Variants in DOCK3 observed in about 807,000 individuals in gnomAD.
DOCK3 encodes dedicator of cytokinesis protein 3.
Under a neutral mutation model 265.6 loss-of-function variants are expected in DOCK3, and 60 were observed. The observed-to-expected ratio is 0.23, with a 90% CI of 0.18 to 0.28. The LOEUF (loss-of-function observed/expected upper bound fraction) is 0.28. DOCK3 is among the 10% of genes least tolerant of loss of function. The pLI is 1.00. For missense variants in DOCK3, 1,981 were observed against 2,594.3 expected (o/e 0.76, Z 5.14); for synonymous variants, 881 against 938.0 (o/e 0.94, Z 1.11).
chr3:50,857,534 C>T (rs1429481317), intron 3 of DOCK3, among the ~76,000 whole-genome samples: 1 of 152,078 alleles, frequency 6.6e-6, no homozygotes, highest in Non-Finnish European at 1.5e-5. Context: ...GCAGTCTACC[C>T]ATCTGACAAA....
At chr3:51,323,073 G>A (rs1403097516) in intron 32 of DOCK3, among the ~76,000 whole-genome samples, 1 of 151,942 alleles carries the variant, frequency 6.6e-6, no homozygotes, top group African/African-American at 2.4e-5. Flanking sequence ...TAATGGTAAA[G>A]AGATCAATGC....
rs145456259 is a variant in DOCK3 at position 50,787,294 on chromosome 3, G to A, written c.121+8536G>A. The A allele has an allele frequency of 1.2e-4, 53 of 440,518 alleles. No homozygotes were observed. The East Asian group carries it at 2.1e-3, about 18-fold the overall frequency. 27.3% of individuals were successfully genotyped at this position (440,518 alleles called of 1,614,324 possible). On this transcript the variant is annotated intron_variant, in intron 2 of 52. Coordinates refer to ENST00000266037, the MANE Select transcript of DOCK3 (RefSeq NM_004947.5). ...CACACGCCTGTAATCCCAGCACTTT[G>A]GGAGGCTGAGGCGGGCTGATCACCT...
At chr3:51,350,533 G>A in intron 40 of DOCK3, 141 bp downstream of exon 40, 1 of 919,128 alleles carries the variant, frequency 1.1e-6, no homozygotes, top group Non-Finnish European at 1.6e-6. Context: ...CAGGCATTTG[G>A]TTTTATTTGA....
chr3:50,689,785 T>C (rs977007628), intron 1 of DOCK3, among the ~76,000 whole-genome samples: 7 of 152,158 alleles, frequency 4.6e-5, no homozygotes, highest in African/African-American at 1.4e-4. Context: ...TAAATACATA[T>C]CGTTGAAGCT....
intron 2 of DOCK3, among the ~76,000 whole-genome samples, chr3:50,792,608 C>A (rs1484964131): frequency 1.3e-5 from 2 of 152,064 alleles, no homozygotes; most frequent in Non-Finnish European, 2.9e-5. Context: ...ATATCTGTTA[C>A]TATTTCACCA....
chr3:50,765,566 A>C (rs753283406), intron 1 of DOCK3, among the ~76,000 whole-genome samples: 15 of 152,186 alleles, frequency 9.9e-5, no homozygotes, highest in Admixed American at 3.9e-4. Flanking sequence ...AGCAGGTATA[A>C]TTTATTTATT....
At chr3:50,856,261 A>T (rs577442028) in intron 3 of DOCK3, among the ~76,000 whole-genome samples, 2 of 152,314 alleles carry the variant, frequency 1.3e-5, no homozygotes, top group South Asian at 4.1e-4. Flanking sequence ...GAATCACCAC[A>T]CTGTCTTCAC....
chr3:50,855,993 A>G (rs576405902), intron 3 of DOCK3, among the ~76,000 whole-genome samples: 1 of 152,310 alleles, frequency 6.6e-6, no homozygotes, highest in South Asian at 2.1e-4. Context: ...AACTCCATCC[A>G]TGCCCCTGCA....
At chr3:51,189,504 A>G (rs1274861304) in intron 12 of DOCK3, among the ~76,000 whole-genome samples, 1 of 152,222 alleles carries the variant, frequency 6.6e-6, no homozygotes, top group Non-Finnish European at 1.5e-5. Flanking sequence ...ATAAGTAAGA[A>G]CATACAGTAT....
At chr3:50,909,891 A>G (rs1028748361) in intron 4 of DOCK3, among the ~76,000 whole-genome samples, 15 of 151,886 alleles carry the variant, frequency 9.9e-5, no homozygotes, top group Non-Finnish European at 1.8e-4. Flanking sequence ...ATGTAATCCC[A>G]TATATCTCAG....
intron 22 of DOCK3, among the ~76,000 whole-genome samples, chr3:51,248,947 C>T (rs1332675702): frequency 6.7e-6 from 1 of 148,920 alleles, no homozygotes; most frequent in Non-Finnish European, 1.5e-5. Flanking sequence ...TGAGGAGACC[C>T]TCCGCCCGGC....
intron 12 of DOCK3, among the ~76,000 whole-genome samples, chr3:51,196,446 T>G (rs547392050): frequency 3.9e-5 from 6 of 152,196 alleles, no homozygotes; most frequent in Non-Finnish European, 7.3e-5. Context: ...TGTCTAAATC[T>G]CTTGCTAGAC....
chr3:50,982,969 A>G (rs561247771), intron 5 of DOCK3, among the ~76,000 whole-genome samples: 1 of 152,166 alleles, frequency 6.6e-6, no homozygotes, highest in African/African-American at 2.4e-5. Context: ...TCATTCCCCA[A>G]CAGGTTCAAG....
At chr3:51,176,260 C>G (rs2086945868) in intron 12 of DOCK3, among the ~76,000 whole-genome samples, 1 of 152,074 alleles carries the variant, frequency 6.6e-6, no homozygotes, top group Non-Finnish European at 1.5e-5. Context: ...GATTGGAAAA[C>G]AAATCTGTAT....
intron 5 of DOCK3, among the ~76,000 whole-genome samples, chr3:50,988,107 A>T (rs529070312): frequency 6.6e-6 from 1 of 152,314 alleles, no homozygotes; most frequent in South Asian, 2.1e-4. Context: ...CTCTGGTAGC[A>T]GCATTGCACC....
intron 4 of DOCK3, among the ~76,000 whole-genome samples, chr3:50,904,498 T>C (rs574550174): frequency 6.6e-6 from 1 of 152,350 alleles, no homozygotes; most frequent in African/African-American, 2.4e-5. Context: ...TTGATTTGCA[T>C]TTCTCTGATG....
At chr3:51,304,050 G>A (rs754213163) in intron 27 of DOCK3, among the ~76,000 whole-genome samples, 6 of 152,162 alleles carry the variant, frequency 3.9e-5, no homozygotes, top group South Asian at 2.1e-4. Flanking sequence ...CACCATAGCC[G>A]CAGGTCTCCG....
chr3:51,333,151 C>T lies in DOCK3; in HGVS notation c.3516-7C>T, dbSNP rs1435631942. On this transcript the variant is annotated splice_polypyrimidine_tract_variant and splice_region_variant and intron_variant, in intron 34 of 52. Coordinates refer to ENST00000266037, the MANE Select transcript of DOCK3 (RefSeq NM_004947.5). ...TGTGTTTGCTTTCTCCACCCCTCCACCAATAGCCTGCTGGAGAAGGTTGAA... is the reference window on the plus strand; with the variant it reads ...TGTGTTTGCTTTCTCCACCCCTCCATCAATAGCCTGCTGGAGAAGGTTGAA... 2 of 1,613,984 alleles carry T rather than the reference C, an allele frequency of 1.2e-6. No individual in the cohort carries two copies. The highest frequency in any genetic ancestry group is 1.1e-5 in the South Asian group (1 of 91,078).
At chr3:50,770,808 A>C (rs1234841862) in intron 1 of DOCK3, among the ~76,000 whole-genome samples, 2 of 152,240 alleles carry the variant, frequency 1.3e-5, no homozygotes, top group Admixed American at 1.3e-4. Context: ...GTTAAGGTTA[A>C]CACAGCTACA....
Sources: allele counts gnomAD v4.1 joint callset (sites outside exome capture counted in the v4.1 genomes callset), GRCh38; gene constraint gnomAD v4.1.1; transcripts MANE v1.5; gene names NCBI Gene and HGNC (gene_info 2026-07-23, HGNC 2026-07-21).